Variants in UPF2 observed in about 807,000 individuals in gnomAD.
UPF2 encodes UPF2 regulator of nonsense mediated mRNA decay, also known as regulator of nonsense transcripts 2.
Under a neutral mutation model 141.4 loss-of-function variants are expected in UPF2, and 17 were observed. The ratio of observed to expected loss-of-function variants is 0.12; its 90% confidence interval spans 0.08 to 0.18. UPF2 has a LOEUF of 0.18. Among genes scored for constraint, UPF2 ranks in the 10% least tolerant of loss-of-function variants. UPF2 has a pLI of 1.00. For synonymous variants in UPF2, 540 were observed against 498.0 expected, an observed-to-expected ratio of 1.08 and a Z score of -1.12; for missense variants, 1,152 against 1,515.9, an observed-to-expected ratio of 0.76 and a Z score of 3.99.
intron 9 of UPF2, among the ~76,000 whole-genome samples, chr10:11,974,957 C>A (rs780398733): frequency 3.3e-5 from 5 of 152,020 alleles, no homozygotes; most frequent in Non-Finnish European, 7.4e-5. Flanking sequence ...GTACAACTGC[C>A]AAGGTATATA....
chr10:11,969,004 G>A (rs756821091), intron 9 of UPF2, among the ~76,000 whole-genome samples: 6 of 152,058 alleles, frequency 3.9e-5, no homozygotes, highest in Admixed American at 2.0e-4. Flanking sequence ...GCGATTACAG[G>A]TGTGTGCCAT....
At position 12,042,202 on chromosome 10, in the gene UPF2, CT is replaced by C. The variant is rs1284719980; in HGVS notation, c.-19+552del. Reference sequence around the variant, plus strand: ...TGTAGGAACCTCTAAACCCACCACACTTCCCCGACACAACTCCCCTTCCCAC... The same window carrying C: ...TGTAGGAACCTCTAAACCCACCACACTCCCCGACACAACTCCCCTTCCCAC... On this transcript the variant is annotated intron_variant, in intron 1 of 21. Transcript: ENST00000357604. This position sits in a 1 kb window ranked among gnomAD's most constrained non-coding sequence, Gnocchi z 5.5. Among the ~76,000 whole-genome samples the C allele has an allele frequency of 1.3e-5, 2 of 151,842 alleles. No individual in the cohort carries two copies. Among genetic ancestry groups the C allele is most frequent in the Non-Finnish European group, 2.9e-5 (2 of 67,964 alleles).
rs1209203235 is a variant in UPF2, at chr10:11,931,341, T to C, written c.3688+300A>G. Among the ~76,000 whole-genome samples the C allele has an allele frequency of 1.3e-5, 2 of 152,222 alleles. No individual in the cohort carries two copies. The highest frequency in any genetic ancestry group is 2.1e-4 in the South Asian group (1 of 4,824). ...TGCATCCCTGTCATTAAGCAAGGCA[T>C]ACTGTTTGTTAAATGAATCTGCACA... On this transcript the variant is annotated intron_variant, in intron 20 of 21. Coordinates refer to ENST00000357604, the MANE Select transcript of UPF2 (RefSeq NM_015542.4). This position sits in a 1 kb window ranked among gnomAD's most constrained non-coding sequence, Gnocchi z 5.9.
At chr10:11,933,555 A>G (rs11816390) in intron 19 of UPF2, among the ~76,000 whole-genome samples, 330 of 152,354 alleles carry the variant, frequency 2.2e-3, no homozygotes, top group African/African-American at 7.6e-3. Context: ...ACATAAAATT[A>G]CATAAGCCAC....
Position 11,936,644 on chromosome 10 carries a change from C to G in UPF2, c.3447G>C (p.Gln1149His), listed in dbSNP as rs1832854977. ...CTCCCAGTGGGGGCCCTTTCCTCAG[C>G]TGGCTTTTGAGATGCAAAGGAATGG... ...DVAIPLHLKS[Q>H]LRKGPPLGGG... is the part of the protein sequence containing the mutation. Residue 1149 changes from glutamine (Q) to histidine (H), a missense_variant, in exon 19 of 22, where the codon CAG (glutamine) becomes CAC (histidine). Coordinates refer to ENST00000357604, the MANE Select transcript of UPF2 (RefSeq NM_015542.4). This position sits in a 1 kb window ranked among gnomAD's most constrained non-coding sequence, Gnocchi z 6.6. 1.9e-6 allele frequency: 3 copies of G among 1,613,520 alleles called. No individual in the cohort carries two copies. In the East Asian group the frequency reaches 6.7e-5, roughly 36 times the overall value.
At chr10:11,927,788 A>G (rs1832731067) in intron 21 of UPF2, among the ~76,000 whole-genome samples, 1 of 152,252 alleles carries the variant, frequency 6.6e-6, no homozygotes, top group African/African-American at 2.4e-5. Context: ...TCTACATTAC[A>G]ATTTGATTAG....
rs377052962 is a variant in UPF2, at chr10:11,943,596, T to C, written c.3175-428A>G. 2.1e-4 allele frequency among the ~76,000 whole-genome samples: 32 copies of C among 152,302 alleles called. No homozygotes were observed. In the East Asian group the frequency reaches 2.3e-3, roughly 11 times the overall value. On this transcript the variant is annotated intron_variant, in intron 16 of 21. Transcript: ENST00000357604. ...GAAAGCAGTGATACAGCATTACCTT[T>C]TACAAAGCACTTCGATTTGGAAGGT...
At chr10:11,943,850 T>C (rs958166678) in intron 16 of UPF2, among the ~76,000 whole-genome samples, 1 of 151,632 alleles carries the variant, frequency 6.6e-6, no homozygotes, top group Non-Finnish European at 1.5e-5. Flanking sequence ...TCCCTCCACT[T>C]CGATCAGCTG....
intron 9 of UPF2, among the ~76,000 whole-genome samples, chr10:11,972,019 G>A (rs1481316148): frequency 1.4e-5 from 2 of 143,372 alleles, no homozygotes; most frequent in South Asian, 2.2e-4. Context: ...AGCCAAGATC[G>A]CACCACTGTA....
intron 4 of UPF2, among the ~76,000 whole-genome samples, chr10:12,005,497 A>G (rs1834020780): frequency 6.6e-6 from 1 of 152,308 alleles, no homozygotes; most frequent in South Asian, 2.1e-4. Context: ...TTTTTGGGAA[A>G]GATACATACT....
chr10:11,921,450 A>G lies in UPF2; in HGVS notation c.3810-143T>C. 2.3e-6 allele frequency: 2 copies of G among 863,804 alleles called. No homozygotes were observed. The highest frequency in any genetic ancestry group is 3.7e-6 in the Non-Finnish European group (2 of 536,528). The allele number at this position is 863,804 out of a possible 1,614,324, so 53.5% of individuals were successfully genotyped here. ...CCTGGCATCTGCGGGTTCCACATCC[A>G]TGGACCAAAAATATTCGGGGGAAAA... is the stretch of plus-strand genomic sequence containing the variant. On this transcript the variant is annotated intron_variant, in intron 21 of 21. Coordinates refer to ENST00000357604, the MANE Select transcript of UPF2 (RefSeq NM_015542.4). The surrounding 1 kb of genome is among the most constrained non-coding windows in gnomAD (Gnocchi z 5.9).
chr10:11,954,550 C>T (rs970093130), intron 14 of UPF2, among the ~76,000 whole-genome samples: 110 of 150,964 alleles, frequency 7.3e-4, no homozygotes, highest in African/African-American at 2.6e-3. Context: ...AGGAGAATTG[C>T]TTGAACCTGA....
chr10:11,939,086 G>A lies in UPF2; in HGVS notation c.3379-2374C>T, dbSNP rs1006215832. 1.3e-4 allele frequency among the ~76,000 whole-genome samples: 19 copies of A among 151,618 alleles called. No individual in the cohort carries two copies. Among genetic ancestry groups the A allele is most frequent in the Admixed American group, 1.2e-3 (19 of 15,232 alleles). On this transcript the variant is annotated intron_variant, in intron 18 of 21. Transcript: ENST00000357604. The surrounding 1 kb of genome is among the most constrained non-coding windows in gnomAD (Gnocchi z 4.8). ...GGGGTTTCACCGTGTTAGCTAGGAGGGTCTCGATCTCCTGACCTCGTGATC... is the reference window on the plus strand; with the variant it reads ...GGGGTTTCACCGTGTTAGCTAGGAGAGTCTCGATCTCCTGACCTCGTGATC...
At chr10:11,947,355 T>C (rs774970049) in intron 16 of UPF2, among the ~76,000 whole-genome samples, 3 of 152,184 alleles carry the variant, frequency 2.0e-5, no homozygotes, top group Non-Finnish European at 4.4e-5. Flanking sequence ...ATCGTATATG[T>C]TGAATTTCAG....
At chr10:12,040,227 T>C (rs1834711633) in intron 1 of UPF2, among the ~76,000 whole-genome samples, 2 of 152,032 alleles carry the variant, frequency 1.3e-5, no homozygotes, top group Non-Finnish European at 2.9e-5. Flanking sequence ...GAAACCATCC[T>C]GGCCAACAAC....
rs565057445 is a variant in UPF2, at chr10:11,999,263, G to A, written c.1758+643C>T. On this transcript the variant is annotated intron_variant, in intron 7 of 21. Coordinates refer to ENST00000357604, the MANE Select transcript of UPF2 (RefSeq NM_015542.4). ...GTATGGTGGCTCATGCCTGTAATCC[G>A]AGCACTTCGGGAGGCCAAGGCAGGC... is the stretch of plus-strand genomic sequence containing the variant. Among the ~76,000 whole-genome samples, 14 of 151,394 alleles carry A rather than the reference G, an allele frequency of 9.2e-5. No individual in the cohort carries two copies. The East Asian group carries it at 9.7e-4, about 10-fold the overall frequency.
At chr10:11,960,434 G>A (rs922169676) in intron 11 of UPF2, among the ~76,000 whole-genome samples, 2 of 151,992 alleles carry the variant, frequency 1.3e-5, no homozygotes, top group African/African-American at 4.8e-5. Flanking sequence ...TGGGCACAGT[G>A]GTAGGTACCT....
At chr10:11,950,587 T>C (rs961582745) in intron 15 of UPF2, among the ~76,000 whole-genome samples, 2 of 152,346 alleles carry the variant, frequency 1.3e-5, no homozygotes, top group Admixed American at 6.5e-5. Context: ...ACAACTGTTC[T>C]CTTTTCTGTC....
At chr10:11,952,469 CTTTTTTTT>C (rs869201076) in intron 14 of UPF2, among the ~76,000 whole-genome samples, 1 of 97,740 alleles carries the variant, frequency 1.0e-5, no homozygotes, top group Non-Finnish European at 1.9e-5. Flanking sequence ...TACTAAATAT[CTTTTTTTT>C]TTTTTTTTTT....
Sources: allele counts gnomAD v4.1 joint callset (sites outside exome capture counted in the v4.1 genomes callset), GRCh38; gene constraint gnomAD v4.1.1; non-coding constraint Gnocchi (gnomAD v3.1); transcripts MANE v1.5; gene names NCBI Gene and HGNC (gene_info 2026-07-23, HGNC 2026-07-21).